The following ASTN2 variants were observed in gnomAD, a reference collection of about 807,000 sequenced individuals.
ASTN2 encodes the protein astrotactin-2.
A neutral mutation model predicts 139.8 loss-of-function variants in ASTN2; 54 were observed. The observed-to-expected ratio is 0.39, with a 90% confidence interval of 0.31 to 0.48. The LOEUF is 0.48. Ranked by LOEUF, ASTN2 falls within the 20% of genes least tolerant of loss-of-function variation. The probability of loss-of-function intolerance (pLI) is 0.95; values close to 1 mark genes in which losing one functional copy is unlikely to be tolerated. For missense variants in ASTN2, 1,565 were observed against 1,725.1 expected (o/e 0.91, Z 1.64); for synonymous variants, 756 against 719.5 (o/e 1.05, Z -0.81).
At chr9:117,235,628 A>T (rs953433829) in intron 2 of ASTN2, among the ~76,000 whole-genome samples, 1 of 152,236 alleles carries the variant, frequency 6.6e-6, no homozygotes, top group African/African-American at 2.4e-5. Context: ...TCCCTTCATT[A>T]GTACCTCATT....
intron 22 of ASTN2, among the ~76,000 whole-genome samples, chr9:116,439,193 C>CCTTTTTTTTT (rs1564277528): frequency 9.7e-6 from 1 of 102,778 alleles, no homozygotes; most frequent in Non-Finnish European, 1.9e-5. Flanking sequence ...TATTCAAATA[C>CCTTTTTTTTT]ATTTTTTTTT....
At chr9:116,884,025 G>A (rs1238150723) in intron 10 of ASTN2, among the ~76,000 whole-genome samples, 1 of 152,190 alleles carries the variant, frequency 6.6e-6, no homozygotes, top group Non-Finnish European at 1.5e-5. Flanking sequence ...GGCAGCAGAA[G>A]AGGGGCTTCC....
chr9:116,543,274 C>CA (rs35600712), intron 19 of ASTN2, among the ~76,000 whole-genome samples: 105,951 of 145,110 alleles, frequency 0.73, 38,611 homozygotes, highest in East Asian at 0.88. Flanking sequence ...ATGAAAACTA[C>CA]AAAAAAAAAA....
intron 7 of ASTN2, among the ~76,000 whole-genome samples, chr9:116,978,840 G>C (rs1233425411): frequency 6.6e-6 from 1 of 151,948 alleles, no homozygotes; most frequent in East Asian, 1.9e-4. Context: ...AGATACTGAG[G>C]ATGAGTCAAG....
chr9:116,987,425 G>A (rs1836720857), intron 7 of ASTN2, among the ~76,000 whole-genome samples: 1 of 152,180 alleles, frequency 6.6e-6, no homozygotes. Flanking sequence ...CAGACTCTCA[G>A]CCAGGGCAAC....
At chr9:116,944,007 C>A (rs1286721453) in intron 10 of ASTN2, among the ~76,000 whole-genome samples, 1 of 151,522 alleles carries the variant, frequency 6.6e-6, no homozygotes. Flanking sequence ...ACAATTACAA[C>A]AATAATAGCC....
chr9:116,497,863 C>T (rs1849718527), intron 19 of ASTN2, among the ~76,000 whole-genome samples: 1 of 152,156 alleles, frequency 6.6e-6, no homozygotes, highest in Admixed American at 6.5e-5. Flanking sequence ...AAATTCCATT[C>T]CCAAATGTTA....
intron 4 of ASTN2, among the ~76,000 whole-genome samples, chr9:117,127,970 G>A (rs142106324): frequency 0.012 from 1,830 of 152,072 alleles, 28 homozygotes; most frequent in East Asian, 0.054. Context: ...GTGAGCCACC[G>A]CTCCCGGCCG....
intron 11 of ASTN2, among the ~76,000 whole-genome samples, chr9:116,836,823 T>G (rs189863593): frequency 6.6e-6 from 1 of 152,092 alleles, no homozygotes; most frequent in Admixed American, 6.5e-5. Context: ...GCCAGAAAAA[T>G]AGAGAAAATG....
At chr9:117,142,520 A>G (rs1830099754) in intron 3 of ASTN2, among the ~76,000 whole-genome samples, 1 of 152,198 alleles carries the variant, frequency 6.6e-6, no homozygotes, top group Non-Finnish European at 1.5e-5. Context: ...AAGATAGGAA[A>G]TGGCAGAGTC....
chr9:117,277,908 C>T (rs1834232509), intron 2 of ASTN2, among the ~76,000 whole-genome samples: 2 of 152,190 alleles, frequency 1.3e-5, no homozygotes, highest in African/African-American at 4.8e-5. Flanking sequence ...TCATTTTCAC[C>T]TAGCTCTTGC....
intron 16 of ASTN2, among the ~76,000 whole-genome samples, chr9:116,711,887 C>T (rs1026206963): frequency 1.2e-4 from 18 of 152,134 alleles, no homozygotes; most frequent in African/African-American, 4.1e-4. Flanking sequence ...AACTGATCCT[C>T]CTAACTCTAA....
chr9:116,637,801 A>G (rs991990490), intron 17 of ASTN2, among the ~76,000 whole-genome samples: 1 of 152,146 alleles, frequency 6.6e-6, no homozygotes, highest in East Asian at 1.9e-4. Context: ...TTATCCAAGC[A>G]TGGTGGCATG....
intron 1 of ASTN2, among the ~76,000 whole-genome samples, chr9:117,335,302 A>G (rs1285620406): frequency 1.3e-5 from 2 of 152,216 alleles, no homozygotes; most frequent in Non-Finnish European, 2.9e-5. Context: ...TGAAAGAAAA[A>G]TGAAGAAATG....
At chr9:117,309,248 T>A (rs1204685417) in intron 1 of ASTN2, among the ~76,000 whole-genome samples, 1 of 152,204 alleles carries the variant, frequency 6.6e-6, no homozygotes, top group Non-Finnish European at 1.5e-5. Flanking sequence ...GCCATTCCTT[T>A]TACTGCCCCT....
At chr9:116,501,026 C>T (rs1343498039) in intron 19 of ASTN2, among the ~76,000 whole-genome samples, 1 of 152,136 alleles carries the variant, frequency 6.6e-6, no homozygotes, top group Non-Finnish European at 1.5e-5. Context: ...CCCAAACTTC[C>T]CTCCCTTTTC....
intron 3 of ASTN2, among the ~76,000 whole-genome samples, chr9:117,172,336 C>A (rs1455030755): frequency 1.3e-5 from 2 of 151,910 alleles, no homozygotes; most frequent in African/African-American, 4.8e-5. Context: ...AATTAATTTT[C>A]ATTAATTTTA....
At chr9:117,045,838 T>C (rs1217964598) in intron 5 of ASTN2, among the ~76,000 whole-genome samples, 1 of 152,074 alleles carries the variant, frequency 6.6e-6, no homozygotes, top group Non-Finnish European at 1.5e-5. Context: ...AATTTATTTC[T>C]TAGAGTGGCA....
At chr9:117,299,513 G>C (rs1343375400) in intron 1 of ASTN2, among the ~76,000 whole-genome samples, 6 of 152,184 alleles carry the variant, frequency 3.9e-5, no homozygotes, top group Admixed American at 2.0e-4. Context: ...TGGCAAGAGG[G>C]CACTTCAGAT....
Sources: allele counts gnomAD v4.1 joint callset (sites outside exome capture counted in the v4.1 genomes callset), GRCh38; gene constraint gnomAD v4.1.1; transcripts MANE v1.5; gene names NCBI Gene and HGNC (gene_info 2026-07-23, HGNC 2026-07-21).